Variants in RNF180 observed in about 807,000 individuals in gnomAD.
RNF180 encodes ring finger protein 180.
RNF180 carries 38 observed loss-of-function variants against 59.2 expected under a neutral mutation model. The observed-to-expected ratio is 0.64, with a 90% CI of 0.50 to 0.84. The LOEUF is 0.84. Ranked by LOEUF, RNF180 falls within the 40% of genes least tolerant of loss-of-function variation. The probability of loss-of-function intolerance (pLI) is 0.00; values close to 1 mark genes in which losing one functional copy is unlikely to be tolerated. For missense variants in RNF180, 705 were observed against 700.9 expected, an observed-to-expected ratio of 1.01 and a Z score of -0.07; for synonymous variants, 262 against 240.3, an observed-to-expected ratio of 1.09 and a Z score of -0.84.
intron 7 of RNF180, among the ~76,000 whole-genome samples, chr5:64,364,674 A>G (rs1746380289): frequency 1.3e-5 from 2 of 151,788 alleles, no homozygotes; most frequent in African/African-American, 4.8e-5. Flanking sequence ...TATATCTTAC[A>G]GAATTTGGCT....
At chr5:64,217,420 A>G (rs764314234) in intron 5 of RNF180, 24 bp downstream of exon 5, 14 of 1,385,238 alleles carry the variant, frequency 1.0e-5, no homozygotes, top group Non-Finnish European at 1.3e-5. Flanking sequence ...TACTTATATG[A>G]GAAATTGTCA....
At position 64,258,667 on chromosome 5, in the gene RNF180, T is replaced by C. The variant is rs575518252; in HGVS notation, c.1227+41271T>C. On this transcript the variant is annotated intron_variant, in intron 5 of 7. Transcript: ENST00000389100. Reference sequence around the variant, plus strand: ...GTGGGGTGTGAGATATATAGGTAGATATATTGAACAGTTGGCTTTATACAT... The same window carrying C: ...GTGGGGTGTGAGATATATAGGTAGACATATTGAACAGTTGGCTTTATACAT... Among the ~76,000 whole-genome samples, 3 of 152,296 alleles carry C rather than the reference T, an allele frequency of 2.0e-5. No individual in the cohort carries two copies. The South Asian group carries it at 6.2e-4, about 32-fold the overall frequency.
At chr5:64,225,882 A>G (rs1489523547) in intron 5 of RNF180, among the ~76,000 whole-genome samples, 1 of 138,804 alleles carries the variant, frequency 7.2e-6, no homozygotes, top group Non-Finnish European at 1.5e-5. Context: ...GGAAGTGAGG[A>G]GTGCCTCTGC....
chr5:64,308,278 T>A (rs947235771), intron 5 of RNF180, among the ~76,000 whole-genome samples: 1 of 151,740 alleles, frequency 6.6e-6, no homozygotes, highest in South Asian at 2.1e-4. Flanking sequence ...CTCACAGTGC[T>A]TTTGTAATCA....
chr5:64,266,174 A>G (rs552766947), intron 5 of RNF180, among the ~76,000 whole-genome samples: 1 of 152,302 alleles, frequency 6.6e-6, no homozygotes, highest in East Asian at 1.9e-4. Context: ...AAACAGAGAC[A>G]ATTTGACTTC....
chr5:64,255,523 A>G (rs1278378266), intron 5 of RNF180, among the ~76,000 whole-genome samples: 1 of 152,226 alleles, frequency 6.6e-6, no homozygotes, highest in Admixed American at 6.5e-5. Flanking sequence ...TACTAAGGAC[A>G]TGAACTCATC....
chr5:64,267,061 T>A (rs1345044644), intron 5 of RNF180, among the ~76,000 whole-genome samples: 1 of 152,072 alleles, frequency 6.6e-6, no homozygotes, highest in Non-Finnish European at 1.5e-5. Context: ...GGTGAGACAT[T>A]ATATCATATT....
chr5:64,283,228 T>G (rs897112060), intron 5 of RNF180, among the ~76,000 whole-genome samples: 4 of 152,192 alleles, frequency 2.6e-5, no homozygotes, highest in Admixed American at 6.5e-5. Context: ...TGTTGTTGAA[T>G]TGAACTCTTT....
intron 1 of RNF180, among the ~76,000 whole-genome samples, chr5:64,196,021 T>C (rs1327827134): frequency 6.6e-6 from 1 of 152,228 alleles, no homozygotes; most frequent in Non-Finnish European, 1.5e-5. Flanking sequence ...CAGGAATTGA[T>C]TATTTTTCTC....
chr5:64,200,173 G>T (rs749564121), intron 1 of RNF180, among the ~76,000 whole-genome samples: 48 of 152,280 alleles, frequency 3.2e-4, no homozygotes, highest in Non-Finnish European at 6.3e-4. Flanking sequence ...GTTCACGCCT[G>T]TAATCTCAGG....
chr5:64,359,267 C>G (rs1451109055), intron 7 of RNF180, among the ~76,000 whole-genome samples: 2 of 147,412 alleles, frequency 1.4e-5, no homozygotes, highest in Non-Finnish European at 3.0e-5. Context: ...TAAAAGTGTT[C>G]CTATTTCTCC....
chr5:64,196,890 C>T (rs1156917507), intron 1 of RNF180, among the ~76,000 whole-genome samples: 2 of 151,914 alleles, frequency 1.3e-5, no homozygotes, highest in Non-Finnish European at 2.9e-5. Flanking sequence ...ATGCTTATAT[C>T]CCCCCTCCAA....
At chr5:64,214,712 A>G (rs542062541) in intron 4 of RNF180, among the ~76,000 whole-genome samples, 195 bp downstream of exon 4, 3 of 152,274 alleles carry the variant, frequency 2.0e-5, no homozygotes, top group South Asian at 2.1e-4. Context: ...TCTATGCTTC[A>G]TGCATGTTTA....
chr5:64,365,317 T>TAA (rs1746405133), intron 7 of RNF180, among the ~76,000 whole-genome samples: 1 of 151,740 alleles, frequency 6.6e-6, no homozygotes, highest in African/African-American at 2.4e-5. Context: ...TATATAGTTT[T>TAA]GGGACCTCTT....
intron 5 of RNF180, among the ~76,000 whole-genome samples, chr5:64,308,584 G>C (rs909864610): frequency 1.2e-4 from 18 of 151,736 alleles, no homozygotes; most frequent in Non-Finnish European, 3.0e-5. Flanking sequence ...TTTCTGAGGA[G>C]TAAGTTTTGG....
At chr5:64,277,524 G>A (rs1408376618) in intron 5 of RNF180, among the ~76,000 whole-genome samples, 1 of 152,060 alleles carries the variant, frequency 6.6e-6, no homozygotes, top group East Asian at 1.9e-4. Context: ...TTTCTGGAAG[G>A]TAGGGGCTGG....
chr5:64,177,536 T>TATATATAC (rs1306735777), intron 1 of RNF180, among the ~76,000 whole-genome samples: 2 of 32,744 alleles, frequency 6.1e-5, no homozygotes, highest in Non-Finnish European at 1.2e-4. Flanking sequence ...CATATATATA[T>TATATATAC]ATATATATAT....
At chr5:64,337,291 G>A (rs1055382562) in intron 7 of RNF180, among the ~76,000 whole-genome samples, 1 of 152,048 alleles carries the variant, frequency 6.6e-6, no homozygotes, top group Non-Finnish European at 1.5e-5. Context: ...TTACAGGCAT[G>A]AGCCACCCTG....
intron 5 of RNF180, among the ~76,000 whole-genome samples, chr5:64,230,144 A>G (rs532554346): frequency 2.0e-4 from 31 of 152,262 alleles, no homozygotes; most frequent in Non-Finnish European, 4.4e-5. Context: ...TCTATAAAGC[A>G]GCAGCATAAT....
Sources: allele counts gnomAD v4.1 joint callset (sites outside exome capture counted in the v4.1 genomes callset), GRCh38; gene constraint gnomAD v4.1.1; transcripts MANE v1.5; gene names NCBI Gene and HGNC (gene_info 2026-07-23, HGNC 2026-07-21).